The following AFF3 variants were observed in gnomAD, a reference collection of about 807,000 sequenced individuals.
AFF3 encodes the protein AF4/FMR2 family member 3.
A neutral mutation model predicts 129.7 loss-of-function variants in AFF3; 32 were observed. The observed-to-expected ratio is 0.25, with a 90% CI of 0.19 to 0.33. The LOEUF (loss-of-function observed/expected upper bound fraction) is 0.33, where lower values mean the gene tolerates loss of function less well. AFF3 is among the 10% of genes least tolerant of loss of function. The pLI is 1.00. For missense variants in AFF3, 1,373 were observed against 1,592.0 expected (o/e 0.86, Z 2.34); for synonymous variants, 644 against 635.4 (o/e 1.01, Z -0.20).
At chr2:99,978,223 T>C (rs1363494591) in intron 7 of AFF3, among the ~76,000 whole-genome samples, 1 of 152,148 alleles carries the variant, frequency 6.6e-6, no homozygotes, top group Admixed American at 6.5e-5. Flanking sequence ...TTAAGACTGC[T>C]CACAGAACTC....
At chr2:99,633,915 T>TC (rs1683367075) in intron 13 of AFF3, among the ~76,000 whole-genome samples, 1 of 141,904 alleles carries the variant, frequency 7.0e-6, no homozygotes, top group East Asian at 2.0e-4. Context: ...CTTCCTTTTT[T>TC]TTTTTTTTTT....
intron 7 of AFF3, among the ~76,000 whole-genome samples, chr2:99,860,832 T>TAAAATTAACGTGTCTGTC (rs1690934264): frequency 6.6e-6 from 1 of 152,160 alleles, no homozygotes; most frequent in Admixed American, 6.5e-5. Flanking sequence ...ATGATCACAA[T>TAAAATTAACGTGTCTGTC]AAAATTAACG....
chr2:100,072,809 G>A (rs958006039), intron 4 of AFF3, among the ~76,000 whole-genome samples: 3 of 152,144 alleles, frequency 2.0e-5, no homozygotes, highest in Non-Finnish European at 2.9e-5. Flanking sequence ...GTTTCTTCTC[G>A]TTTGTATTTT....
rs141770581 is a variant in AFF3 at position 99,809,346 on chromosome 2, G to A, written c.921+28131C>T. Among the ~76,000 whole-genome samples the A allele has an allele frequency of 4.5e-3, 687 of 152,318 alleles. 4 individuals are homozygous for A. The highest frequency in any genetic ancestry group is 7.9e-3 in the Non-Finnish European group (535 of 68,024). On this transcript the variant is annotated intron_variant, in intron 8 of 24. Coordinates refer to ENST00000672756, the MANE Select transcript of AFF3 (RefSeq NM_001386135.1). ...GGTCTACGGGGCAAGCCCTCAACGC[G>A]GGGGGCTGGCGCTCCTACTGCAGCC...
chr2:99,781,909 T>G (rs562471331), intron 8 of AFF3, among the ~76,000 whole-genome samples: 1 of 152,284 alleles, frequency 6.6e-6, no homozygotes, highest in Non-Finnish European at 1.5e-5. Flanking sequence ...AAAAAAAATC[T>G]TATAATTCTG....
At chr2:99,947,847 C>T (rs776984470) in intron 7 of AFF3, among the ~76,000 whole-genome samples, 6 of 152,102 alleles carry the variant, frequency 3.9e-5, no homozygotes, top group South Asian at 2.1e-4. Context: ...AAGCATGGCA[C>T]GGGGGCCATG....
At chr2:99,974,353 T>A (rs1559024709) in intron 7 of AFF3, among the ~76,000 whole-genome samples, 2 of 152,180 alleles carry the variant, frequency 1.3e-5, no homozygotes, top group Admixed American at 1.3e-4. Context: ...TTGAAACCAA[T>A]CTAATTTAAC....
chr2:99,674,291 G>T (rs1291490251), intron 11 of AFF3, among the ~76,000 whole-genome samples: 2 of 152,222 alleles, frequency 1.3e-5, no homozygotes, highest in South Asian at 2.1e-4. Flanking sequence ...GCTTCAAAGA[G>T]AAGAGACCTC....
At chr2:100,103,898 G>T (rs1318566062) in intron 4 of AFF3, among the ~76,000 whole-genome samples, 1 of 151,518 alleles carries the variant, frequency 6.6e-6, no homozygotes, top group Non-Finnish European at 1.5e-5. Context: ...GGTGGAAGTG[G>T]GTGGGAGAGA....
At chr2:100,019,190 G>T (rs1683383437) in intron 4 of AFF3, among the ~76,000 whole-genome samples, 2 of 152,026 alleles carry the variant, frequency 1.3e-5, no homozygotes, top group Non-Finnish European at 2.9e-5. Flanking sequence ...CTCAACGTTA[G>T]CCGTAAAAAA....
rs543944193 is a variant in AFF3 at position 99,981,718 on chromosome 2, T to C, written c.873+24914A>G. ...GCACTGGGGCTTTTTCTAATTGATATATAAGAGTACTTCATATCTTAAGGA... is the reference window on the plus strand; with the variant it reads ...GCACTGGGGCTTTTTCTAATTGATACATAAGAGTACTTCATATCTTAAGGA... On this transcript the variant is annotated intron_variant, in intron 7 of 24. Transcript: ENST00000672756. Among the ~76,000 whole-genome samples the C allele has an allele frequency of 1.3e-4, 20 of 152,376 alleles. 1 individual carries two copies. Among genetic ancestry groups the C allele is most frequent in the African/African-American group, 4.8e-4 (20 of 41,592 alleles).
At chr2:99,597,384 G>A (rs1180873897) in intron 14 of AFF3, among the ~76,000 whole-genome samples, 2 of 152,136 alleles carry the variant, frequency 1.3e-5, no homozygotes, top group Non-Finnish European at 2.9e-5. Flanking sequence ...TTTGATGTTC[G>A]TATTTGTTTC....
chr2:99,673,387 A>G (rs1575660520), intron 11 of AFF3, among the ~76,000 whole-genome samples: 1 of 152,188 alleles, frequency 6.6e-6, no homozygotes, highest in African/African-American at 2.4e-5. Flanking sequence ...CATCCTGAGG[A>G]GACAGCGGGG....
intron 7 of AFF3, among the ~76,000 whole-genome samples, chr2:99,875,718 T>C (rs1177952233): frequency 2.6e-5 from 4 of 152,166 alleles, no homozygotes; most frequent in Admixed American, 6.5e-5. Flanking sequence ...AGAAAGTTTC[T>C]AATTCTAAAA....
intron 2 of AFF3, 172 bp from the exon 3 acceptor site, chr2:100,105,755 T>C (rs1241126616): frequency 1.5e-6 from 2 of 1,362,288 alleles, no homozygotes; most frequent in Non-Finnish European, 2.0e-6. Flanking sequence ...CGGAAGCCCC[T>C]CCAAGGCCCC....
At chr2:99,663,724 C>T (rs980481866) in intron 12 of AFF3, among the ~76,000 whole-genome samples, 1 of 152,158 alleles carries the variant, frequency 6.6e-6, no homozygotes, top group Admixed American at 6.5e-5. Flanking sequence ...AAAAAGACTG[C>T]CCAATATGTT....
chr2:99,732,154 A>G (rs2105039432), intron 10 of AFF3, among the ~76,000 whole-genome samples: 1 of 152,200 alleles, frequency 6.6e-6, no homozygotes, highest in East Asian at 1.9e-4. Flanking sequence ...GGAGATTGAG[A>G]CCATCCTGGC....
rs115252758 is a variant in AFF3 at position 100,033,430 on chromosome 2, G to A, written c.54-24498C>T. Reference sequence around the variant, plus strand: ...AACACAAATGTGGGATACGTGAATCGTTACTTCTATATGAAACATCTGAGT... The same window carrying A: ...AACACAAATGTGGGATACGTGAATCATTACTTCTATATGAAACATCTGAGT... On this transcript the variant is annotated intron_variant, in intron 4 of 24. Coordinates refer to ENST00000672756, the MANE Select transcript of AFF3 (RefSeq NM_001386135.1). Among the ~76,000 whole-genome samples the A allele has an allele frequency of 4.1e-3, 624 of 152,256 alleles. 3 individuals carry two copies. Among genetic ancestry groups the A allele is most frequent in the Non-Finnish European group, 7.1e-3 (485 of 68,000 alleles).
At chr2:99,692,993 G>A (rs1436738785) in intron 11 of AFF3, among the ~76,000 whole-genome samples, 6 of 152,138 alleles carry the variant, frequency 3.9e-5, no homozygotes, top group African/African-American at 1.4e-4. Flanking sequence ...CTCCAGCCTC[G>A]CCCTCTGCAG....
Sources: allele counts gnomAD v4.1 joint callset (sites outside exome capture counted in the v4.1 genomes callset), GRCh38; gene constraint gnomAD v4.1.1; transcripts MANE v1.5; gene names NCBI Gene and HGNC (gene_info 2026-07-23, HGNC 2026-07-21).